ARFIP1: variants seen among roughly 807,000 people sequenced by gnomAD.
The protein encoded by ARFIP1 is ARF interacting protein 1, also known as arfaptin-1.
In ARFIP1, 24 loss-of-function variants were observed where a neutral mutation model predicts 42.5. That is an observed-to-expected ratio of 0.57 (90% CI 0.41 to 0.80). The LOEUF (loss-of-function observed/expected upper bound fraction) is 0.80. Ranked by LOEUF, ARFIP1 falls within the 30% of genes least tolerant of loss-of-function variation. ARFIP1 has a pLI of 0.00. For missense variants in ARFIP1, 354 were observed against 434.0 expected, an observed-to-expected ratio of 0.82 and a Z score of 1.64; for synonymous variants, 141 against 153.7, an observed-to-expected ratio of 0.92 and a Z score of 0.61.
Position 152,852,428 on chromosome 4 carries a change from C to T in ARFIP1, c.94-11178C>T, listed in dbSNP as rs111883288. 4.1e-3 allele frequency among the ~76,000 whole-genome samples: 621 copies of T among 152,084 alleles called. 5 individuals are homozygous for T. Among genetic ancestry groups the T allele is most frequent in the South Asian group, 0.013 (61 of 4,816 alleles). ...GGCGGATTGTCAGAGCTCAGGAGTTCGAGACCAGCCTGGGCAACACGGTGA... is the reference window on the plus strand; with the variant it reads ...GGCGGATTGTCAGAGCTCAGGAGTTTGAGACCAGCCTGGGCAACACGGTGA... On this transcript the variant is annotated intron_variant, in intron 2 of 8. Transcript: ENST00000353617.
intron 1 of ARFIP1, among the ~76,000 whole-genome samples, 194 bp downstream of exon 1, chr4:152,780,420 G>A (rs1027475566): frequency 2.0e-5 from 3 of 152,214 alleles, no homozygotes; most frequent in African/African-American, 4.8e-5. Flanking sequence ...GTCCCTCTGA[G>A]TGTGCCCCCG....
At chr4:152,901,518 A>C (rs1737832256) in intron 8 of ARFIP1, among the ~76,000 whole-genome samples, 1 of 152,228 alleles carries the variant, frequency 6.6e-6, no homozygotes, top group Non-Finnish European at 1.5e-5. Context: ...ATTGTTTGGC[A>C]GATGTTTACG....
At chr4:152,862,458 A>AT (rs1257615040) in intron 2 of ARFIP1, among the ~76,000 whole-genome samples, 2 of 152,184 alleles carry the variant, frequency 1.3e-5, no homozygotes, top group Non-Finnish European at 2.9e-5. Context: ...TTAAAAAAAA[A>AT]AAAAGGATAA....
chr4:152,810,461 C>T (rs1729355158), intron 1 of ARFIP1: 1 of 152,112 alleles, frequency 6.6e-6, no homozygotes, highest in Non-Finnish European at 1.5e-5. Context: ...TGTGGTGTTT[C>T]CGTGGTAGAA....
chr4:152,798,486 A>T (rs1229687275), intron 1 of ARFIP1, among the ~76,000 whole-genome samples: 4 of 152,174 alleles, frequency 2.6e-5, no homozygotes, highest in Non-Finnish European at 4.4e-5. Flanking sequence ...AGTGGTATGG[A>T]GAAAATTGTA....
In ARFIP1 at chr4:152,838,333, G is replaced by A. The variant is rs80111516; in HGVS notation, c.93+8607G>A. On this transcript the variant is annotated intron_variant, in intron 2 of 8. Transcript: ENST00000353617. ...AGAATGATGGTGGCATTTTGATGGT[G>A]ACTGCATTGACTTTGTAGATTGCTT... Among the ~76,000 whole-genome samples the A allele has an allele frequency of 4.3e-3, 650 of 152,042 alleles. 4 individuals are homozygous for A. Among genetic ancestry groups the A allele is most frequent in the African/African-American group, 0.015 (608 of 41,496 alleles).
At chr4:152,871,230 T>G (rs1330172136) in intron 4 of ARFIP1, among the ~76,000 whole-genome samples, 2 of 152,244 alleles carry the variant, frequency 1.3e-5, no homozygotes, top group Admixed American at 6.5e-5. Context: ...TTAGGTTGGT[T>G]GTTTTTAAGA....
intron 8 of ARFIP1, among the ~76,000 whole-genome samples, chr4:152,889,498 C>CATATATATAT (rs71595203): frequency 5.6e-4 from 24 of 42,780 alleles, no homozygotes; most frequent in Admixed American, 1.5e-3. Context: ...TCATTTTAGT[C>CATATATATAT]ATATATATAT....
intron 1 of ARFIP1, among the ~76,000 whole-genome samples, chr4:152,817,525 A>G (rs1049272371): frequency 2.6e-5 from 4 of 152,158 alleles, no homozygotes; most frequent in African/African-American, 9.7e-5. Context: ...AAAACAGGAA[A>G]TGTTTTCTGA....
chr4:152,899,507 T>C (rs998468827), intron 8 of ARFIP1, among the ~76,000 whole-genome samples: 1 of 152,244 alleles, frequency 6.6e-6, no homozygotes. Flanking sequence ...TGAAATGAAA[T>C]ACCCAATTCC....
intron 5 of ARFIP1, among the ~76,000 whole-genome samples, chr4:152,878,041 A>C (rs1215683194): frequency 6.6e-6 from 1 of 152,182 alleles, no homozygotes; most frequent in African/African-American, 2.4e-5. Flanking sequence ...CTGTTGCATA[A>C]ATTCATAAAC....
chr4:152,785,185 C>T (rs1730729242), intron 1 of ARFIP1, among the ~76,000 whole-genome samples: 1 of 152,166 alleles, frequency 6.6e-6, no homozygotes, highest in South Asian at 2.1e-4. Flanking sequence ...GTTTGGAAAT[C>T]TTTGCCCTAG....
intron 2 of ARFIP1, among the ~76,000 whole-genome samples, chr4:152,854,287 A>G (rs923990205): frequency 6.6e-6 from 1 of 152,196 alleles, no homozygotes; most frequent in Non-Finnish European, 1.5e-5. Flanking sequence ...ATTTCAAGCA[A>G]TGAATTCTTC....
chr4:152,904,255 A>G (rs966941277), intron 8 of ARFIP1, among the ~76,000 whole-genome samples: 8 of 149,636 alleles, frequency 5.3e-5, no homozygotes, highest in Admixed American at 2.0e-4. Context: ...CAGTGGCGCA[A>G]TATCGGCTCA....
chr4:152,836,522 T>C (rs1731663362), intron 2 of ARFIP1, among the ~76,000 whole-genome samples: 2 of 152,266 alleles, frequency 1.3e-5, no homozygotes, highest in South Asian at 2.1e-4. Context: ...TGGTATCTCT[T>C]TTCTTTCTTC....
intron 8 of ARFIP1, among the ~76,000 whole-genome samples, chr4:152,891,896 A>G (rs1256049132): frequency 6.6e-6 from 1 of 151,772 alleles, no homozygotes; most frequent in African/African-American, 2.4e-5. Flanking sequence ...TCTAGTAGAA[A>G]CAGGTTTCAC....
intron 2 of ARFIP1, among the ~76,000 whole-genome samples, chr4:152,859,016 C>A (rs1339961815): frequency 6.6e-6 from 1 of 152,180 alleles, no homozygotes; most frequent in Admixed American, 6.5e-5. Context: ...CAATATTTTT[C>A]TTTTCCTTTA....
chr4:152,824,564 A>T (rs1730660477), intron 1 of ARFIP1, among the ~76,000 whole-genome samples: 1 of 152,214 alleles, frequency 6.6e-6, no homozygotes, highest in Admixed American at 6.5e-5. Context: ...CATATGTGAC[A>T]CACTCAACAG....
At chr4:152,783,574 AG>A (rs1285825771) in intron 1 of ARFIP1, among the ~76,000 whole-genome samples, 3 of 152,326 alleles carry the variant, frequency 2.0e-5, no homozygotes, top group East Asian at 3.9e-4. Flanking sequence ...TGGTGGAGCC[AG>A]TGCATGGCTC....
Sources: allele counts gnomAD v4.1 joint callset (sites outside exome capture counted in the v4.1 genomes callset), GRCh38; gene constraint gnomAD v4.1.1; transcripts MANE v1.5; gene names NCBI Gene and HGNC (gene_info 2026-07-23, HGNC 2026-07-21).